The following XIST variants were observed in gnomAD, a reference collection of about 807,000 sequenced individuals.
XIST encodes the protein X inactive specific transcript.
At chrX:73,844,290 ATTG>A (rs1569512370) in exon 1 of XIST, 1 of 559,238 alleles carries the variant, frequency 1.8e-6, no homozygotes, top group Non-Finnish European at 3.2e-6. Context: ...TCCAAGGGAC[ATTG>A]TTGTGGTCAA....
chrX:73,823,410 A>C (rs1484349447), exon 6 of XIST: 1 of 513,481 alleles, frequency 1.9e-6, no homozygotes, highest in South Asian at 2.5e-5. Flanking sequence ...ATAGGCATTG[A>C]AATATTATTT....
At chrX:73,846,201 GAT>G (rs1569512548) in exon 1 of XIST, 1 of 558,694 alleles carries the variant, frequency 1.8e-6, no homozygotes, top group Middle Eastern at 3.1e-4. Flanking sequence ...GGGCCTTGGT[GAT>G]CAGCACCCCT....
chrX:73,847,808 G>A (rs1922813208), exon 1 of XIST: 1 of 558,761 alleles, frequency 1.8e-6, no homozygotes, highest in Non-Finnish European at 3.2e-6. Flanking sequence ...ATGTAAAAGG[G>A]GTAGAATATA....
At chrX:73,831,326 T>C (rs17302743) in intron 3 of XIST, 382 of 466,363 alleles carry the variant, frequency 8.2e-4, no homozygotes, top group Admixed American at 1.6e-3. Flanking sequence ...TGGGAAAGTC[T>C]GTTCTAATGG....
chrX:73,848,545 C>G lies in XIST; in HGVS notation n.4179G>C, dbSNP rs774949372. 2.3e-5 allele frequency: 13 copies of G among 556,071 alleles called. No homozygotes were observed. The Admixed American group carries it at 2.7e-4, about 11-fold the overall frequency. 45.8% of individuals were successfully genotyped at this position (556,071 alleles called of 1,213,427 possible). On this transcript the variant is annotated non_coding_transcript_exon_variant, in exon 1 of 6. Coordinates refer to ENST00000429829, the Ensembl canonical transcript of XIST. ...TGCACAAGAAGAGTCCTTGGGTGAT[C>G]AGCCCACATTGTAGCGTGCAAATAG... is the stretch of plus-strand genomic sequence containing the variant.
exon 1 of XIST, chrX:73,843,283 G>A (rs1922645430): frequency 1.8e-6 from 1 of 558,731 alleles, no homozygotes; most frequent in South Asian, 2.2e-5. Flanking sequence ...AACAGTACAA[G>A]GGGCCTTAGT....
At chrX:73,821,836 T>G (rs545032285) in exon 6 of XIST, 5 of 538,466 alleles carry the variant, frequency 9.3e-6, no homozygotes, top group East Asian at 6.6e-5. Context: ...GGTAAAATGT[T>G]AAGCTGTTTT....
At chrX:73,840,763 T>C (rs912252608) in intron 1 of XIST, among the ~76,000 whole-genome samples, 5 of 111,840 alleles carry the variant, frequency 4.5e-5, no homozygotes, top group African/African-American at 6.5e-5. Flanking sequence ...TTATGAGATT[T>C]AGCAATCACT....
chrX:73,850,236 T>G, exon 1 of XIST: 1 of 549,970 alleles, frequency 1.8e-6, no homozygotes, highest in Non-Finnish European at 3.3e-6. Context: ...ACCAGCACAT[T>G]TTTAAAACAT....
chrX:73,826,961 G>C (rs764485113), exon 6 of XIST: 1 of 558,781 alleles, frequency 1.8e-6, no homozygotes, highest in Admixed American at 2.2e-5. Context: ...GTCCAATTCA[G>C]GCCACCCTCT....
At chrX:73,850,792 G>A in exon 1 of XIST, 1 of 507,658 alleles carries the variant, frequency 2.0e-6, no homozygotes, top group Non-Finnish European at 3.5e-6. Context: ...TTAGCCTTAG[G>A]TGAGGCACCA....
exon 1 of XIST, chrX:73,846,237 GAGT>G (rs1323511146): frequency 5.4e-6 from 3 of 557,813 alleles, no homozygotes; most frequent in Non-Finnish European, 9.7e-6. Context: ...AGGGGTCTGA[GAGT>G]AGGATTTTAT....
chrX:73,850,791 G>A (rs1307650238), exon 1 of XIST: 1 of 507,217 alleles, frequency 2.0e-6, no homozygotes, highest in South Asian at 2.5e-5. Flanking sequence ...CTTAGCCTTA[G>A]GTGAGGCACC....
chrX:73,826,808 G>T (rs752294600), exon 6 of XIST: 7 of 556,058 alleles, frequency 1.3e-5, no homozygotes, highest in Non-Finnish European at 2.3e-5. Flanking sequence ...TGGGTTGTAG[G>T]TCTTCCAGCT....
chrX:73,846,125 G>A lies in XIST; in HGVS notation n.6599C>T, dbSNP rs1354756978. 5.3e-5 allele frequency: 29 copies of A among 551,993 alleles called. No homozygotes were observed. In the East Asian group the frequency reaches 9.2e-4, roughly 17 times the overall value. 45.5% of individuals were successfully genotyped at this position (551,993 alleles called of 1,213,427 possible). A position where few individuals can be genotyped will look rare whatever the true frequency, so the allele number is the denominator to read the frequency against. On this transcript the variant is annotated non_coding_transcript_exon_variant, in exon 1 of 6. Transcript: ENST00000429829. ...ATTGGGGGTGGAGTGTGGCAGGGGAGGCTTCCATGTCTAATACACAGGAAC... is the reference window on the plus strand; with the variant it reads ...ATTGGGGGTGGAGTGTGGCAGGGGAAGCTTCCATGTCTAATACACAGGAAC...
chrX:73,829,819 A>G (rs1161726134), intron 4 of XIST, among the ~76,000 whole-genome samples: 1 of 106,804 alleles, frequency 9.4e-6, no homozygotes, highest in South Asian at 4.2e-4. Flanking sequence ...AAAGACTTCC[A>G]TCCTGTTTTA....
exon 1 of XIST, chrX:73,844,294 T>A (rs1265912457): frequency 9.0e-6 from 5 of 557,146 alleles, no homozygotes; most frequent in Non-Finnish European, 1.6e-5. Context: ...AGGGACATTG[T>A]TGTGGTCAAT....
intron 3 of XIST, among the ~76,000 whole-genome samples, chrX:73,831,621 C>A (rs1297065907): frequency 9.0e-6 from 1 of 111,302 alleles, no homozygotes. Context: ...GTGTTCTCAG[C>A]ACAAAATATA....
In XIST at chrX:73,826,996, G is replaced by C. The variant is rs753630987; in HGVS notation, n.12905C>G. Reference sequence around the variant, plus strand: ...TGTTTTCTTGGCTCTTGAGGCTTTTGTTGGTTTCAGGCCTGAGGCTTCTAT... The same window carrying C: ...TGTTTTCTTGGCTCTTGAGGCTTTTCTTGGTTTCAGGCCTGAGGCTTCTAT... On this transcript the variant is annotated non_coding_transcript_exon_variant, in exon 6 of 6. Coordinates refer to ENST00000429829, the Ensembl canonical transcript of XIST. 3 of 556,826 alleles carry C rather than the reference G, an allele frequency of 5.4e-6. No individual in the cohort carries two copies. The African/African-American group carries it at 6.7e-5, about 12-fold the overall frequency. The allele number at this position is 556,826 out of a possible 1,213,427, so 45.9% of individuals were successfully genotyped here.
Sources: gnomAD v4.1 joint callset for allele counts (sites outside exome capture counted in the v4.1 genomes callset) on GRCh38, gnomAD v4.1.1 for gene constraint, MANE v1.5 for transcripts, NCBI Gene and HGNC (gene_info 2026-07-23, HGNC 2026-07-21) for gene names.